The following SNX4 variants were observed in gnomAD, a reference collection of about 807,000 sequenced individuals.
SNX4 encodes sorting nexin-4.
Under a neutral mutation model 70.8 loss-of-function variants are expected in SNX4, and 49 were observed. The observed-to-expected ratio is 0.69, with a 90% CI of 0.55 to 0.88. The LOEUF (loss-of-function observed/expected upper bound fraction) is 0.88, where lower values mean the gene tolerates loss of function less well. Among genes scored for constraint, SNX4 ranks in the 40% least tolerant of loss-of-function variants. The pLI is 0.00. For missense variants in SNX4, 528 were observed against 544.8 expected, an observed-to-expected ratio of 0.97 and a Z score of 0.31; for synonymous variants, 206 against 183.8, an observed-to-expected ratio of 1.12 and a Z score of -0.98.
intron 8 of SNX4, among the ~76,000 whole-genome samples, chr3:125,471,266 C>T (rs9813648): frequency 0.22 from 31,750 of 146,948 alleles, 3,394 homozygotes; most frequent in Admixed American, 0.26. Context: ...ATCGCTTGAA[C>T]CCGGGAGGCA....
chr3:125,514,699 C>CT (rs934739921), intron 1 of SNX4, among the ~76,000 whole-genome samples: 1 of 151,852 alleles, frequency 6.6e-6, no homozygotes, highest in African/African-American at 2.4e-5. Flanking sequence ...GCCTCCAAAA[C>CT]TTTTTTTGAC....
At chr3:125,508,668 G>A (rs1200687059) in intron 1 of SNX4, among the ~76,000 whole-genome samples, 1 of 151,968 alleles carries the variant, frequency 6.6e-6, no homozygotes, top group Non-Finnish European at 1.5e-5. Context: ...ACGTGGTACT[G>A]TCATAAAGAC....
chr3:125,486,989 T>A (rs865928621), intron 6 of SNX4, among the ~76,000 whole-genome samples: 3 of 152,190 alleles, frequency 2.0e-5, no homozygotes, highest in Admixed American at 1.3e-4. Context: ...AGTAGAAGAC[T>A]CCAGGCCCTC....
At chr3:125,450,451 T>C (rs1423161806) in intron 13 of SNX4, among the ~76,000 whole-genome samples, 1 of 152,236 alleles carries the variant, frequency 6.6e-6, no homozygotes, top group South Asian at 2.1e-4. Context: ...GAATTGTATA[T>C]ATATTTATAT....
chr3:125,488,470 G>T (rs1934581873), intron 6 of SNX4, among the ~76,000 whole-genome samples: 1 of 151,798 alleles, frequency 6.6e-6, no homozygotes, highest in Non-Finnish European at 1.5e-5. Flanking sequence ...GCAAGTCTCT[G>T]CCTCAAAAAA....
chr3:125,450,503 A>G (rs1432442857), intron 13 of SNX4, among the ~76,000 whole-genome samples: 1 of 152,228 alleles, frequency 6.6e-6, no homozygotes, highest in South Asian at 2.1e-4. Flanking sequence ...TCATCTTACC[A>G]TGTAATTTAC....
chr3:125,480,170 C>G lies in SNX4; in HGVS notation c.726+77G>C, dbSNP rs954597024. On this transcript the variant is annotated intron_variant, in intron 7 of 13. Transcript: ENST00000251775. ...AGTTATTCATGGTAAATACCACCTA[C>G]TACTTGAAAACAGAATGATTACATG... is the stretch of plus-strand genomic sequence containing the variant. 8.2e-6 allele frequency: 7 copies of G among 858,210 alleles called. No homozygotes were observed. In the African/African-American group the frequency reaches 1.0e-4, roughly 13 times the overall value. The allele number at this position is 858,210 out of a possible 1,614,324, so 53.2% of individuals were successfully genotyped here. A position where few individuals can be genotyped will look rare whatever the true frequency, so the allele number is the denominator to read the frequency against.
intron 5 of SNX4, among the ~76,000 whole-genome samples, chr3:125,493,999 T>G (rs1040880272): frequency 6.9e-6 from 1 of 145,170 alleles, no homozygotes; most frequent in African/African-American, 2.6e-5. Context: ...ATTGCACCAC[T>G]GCACTCCAGC....
At chr3:125,506,235 CAG>C (rs1444081591) in intron 1 of SNX4, among the ~76,000 whole-genome samples, 1 of 151,994 alleles carries the variant, frequency 6.6e-6, no homozygotes, top group East Asian at 1.9e-4. Flanking sequence ...TATAAAGAAA[CAG>C]GGTGGTATGA....
chr3:125,458,609 G>C (rs1011935502), intron 10 of SNX4, among the ~76,000 whole-genome samples: 1 of 151,680 alleles, frequency 6.6e-6, no homozygotes, highest in African/African-American at 2.4e-5. Context: ...GAGGTCAGGA[G>C]ATTGAGACCA....
intron 1 of SNX4, among the ~76,000 whole-genome samples, chr3:125,518,302 A>C (rs1203427061): frequency 6.6e-6 from 1 of 151,834 alleles, no homozygotes; most frequent in East Asian, 1.9e-4. Context: ...TTACAAAAAA[A>C]ACCCCAAAAC....
rs141078086 is a variant in SNX4 at position 125,513,075 on chromosome 3, T to TA, written c.141+6956dup. Reference sequence around the variant, plus strand: ...AATAAATGGAATGTTTGTGTCCTCCTAAAATGTGTATGTTAAAATCCTAAC... The same window carrying TA: ...AATAAATGGAATGTTTGTGTCCTCCTAAAAATGTGTATGTTAAAATCCTAAC... On this transcript the variant is annotated intron_variant, in intron 1 of 13. Coordinates refer to ENST00000251775, the MANE Select transcript of SNX4 (RefSeq NM_003794.4). Among the ~76,000 whole-genome samples the TA allele has an allele frequency of 5.1e-4, 77 of 152,334 alleles. No individual in the cohort carries two copies. In the East Asian group the frequency reaches 0.013, roughly 26 times the overall value.
chr3:125,458,552 C>T (rs1004892957), intron 10 of SNX4, among the ~76,000 whole-genome samples: 4 of 152,110 alleles, frequency 2.6e-5, no homozygotes, highest in African/African-American at 9.7e-5. Flanking sequence ...CGCGGTGGCT[C>T]ATGCCTGTAA....
At chr3:125,515,923 T>C (rs1451022596) in intron 1 of SNX4, among the ~76,000 whole-genome samples, 1 of 152,174 alleles carries the variant, frequency 6.6e-6, no homozygotes, top group Non-Finnish European at 1.5e-5. Context: ...CATCTGCTGC[T>C]AAAGTGATGA....
chr3:125,495,207 T>C (rs1580000616), intron 5 of SNX4, among the ~76,000 whole-genome samples: 2 of 141,358 alleles, frequency 1.4e-5, no homozygotes, highest in African/African-American at 2.5e-5. Flanking sequence ...CTGCCAAACA[T>C]ATGACCTCCA....
At chr3:125,518,170 A>G (rs1025932410) in intron 1 of SNX4, among the ~76,000 whole-genome samples, 2 of 152,084 alleles carry the variant, frequency 1.3e-5, no homozygotes, top group African/African-American at 4.8e-5. Context: ...TTAATTAAAT[A>G]CCTAATGGCA....
chr3:125,499,753 A>G (rs1465477269), intron 2 of SNX4, among the ~76,000 whole-genome samples: 1 of 135,608 alleles, frequency 7.4e-6, no homozygotes. Context: ...GAAGGTCTGC[A>G]TAAGTGTTTA....
intron 1 of SNX4, among the ~76,000 whole-genome samples, chr3:125,512,161 C>T (rs962068021): frequency 2.6e-5 from 4 of 152,140 alleles, no homozygotes; most frequent in Admixed American, 6.6e-5. Flanking sequence ...GCACAAGCCA[C>T]CCAACATCAG....
At chr3:125,474,752 T>C (rs926487197) in intron 8 of SNX4, among the ~76,000 whole-genome samples, 4 of 152,256 alleles carry the variant, frequency 2.6e-5, no homozygotes, top group South Asian at 2.1e-4. Flanking sequence ...AATTGATCTT[T>C]TGTCTACCTG....
Sources: allele counts gnomAD v4.1 joint callset (sites outside exome capture counted in the v4.1 genomes callset), GRCh38; gene constraint gnomAD v4.1.1; transcripts MANE v1.5; gene names NCBI Gene and HGNC (gene_info 2026-07-23, HGNC 2026-07-21).